SRP19: variants seen among roughly 807,000 people sequenced by gnomAD.
The protein encoded by SRP19 is signal recognition particle 19 kDa protein.
In SRP19, 11 loss-of-function variants were observed where a neutral mutation model predicts 22.4. The observed-to-expected ratio is 0.49, with a 90% CI of 0.31 to 0.81. SRP19 has a LOEUF of 0.81. Ranked by LOEUF, SRP19 falls within the 40% of genes least tolerant of loss-of-function variation. The pLI is 0.05. For missense variants in SRP19, 168 were observed against 175.9 expected, an observed-to-expected ratio of 0.96 and a Z score of 0.25; for synonymous variants, 61 against 57.6, an observed-to-expected ratio of 1.06 and a Z score of -0.27.
chr5:112,888,569 A>ACG (rs1222128807), intron 4 of SRP19, among the ~76,000 whole-genome samples: 2,400 of 145,474 alleles, frequency 0.016, 71 homozygotes, highest in East Asian at 0.088. Flanking sequence ...GACTGCAGGC[A>ACG]TGAACCACCA....
At chr5:112,884,598 G>C (rs1363020284) in intron 4 of SRP19, among the ~76,000 whole-genome samples, 2 of 151,920 alleles carry the variant, frequency 1.3e-5, no homozygotes, top group Non-Finnish European at 2.9e-5. Flanking sequence ...TCACAAACAA[G>C]CTGGTCTCAA....
intron 4 of SRP19, chr5:112,878,949 T>C (rs957989310): frequency 5.9e-6 from 9 of 1,516,254 alleles, no homozygotes; most frequent in African/African-American, 5.5e-5. Context: ...GGATGACTCA[T>C]GTTCAGGTGC....
At chr5:112,870,304 TAGTG>T (rs1269682865), downstream of SRP19, among the ~76,000 whole-genome samples, 1 of 151,912 alleles carries the variant, frequency 6.6e-6, no homozygotes, top group South Asian at 2.1e-4. Flanking sequence ...CTGGGCAACA[TAGTG>T]AGACTGTCTC....
intron 4 of SRP19, chr5:112,877,731 G>A (rs1767940918): frequency 6.6e-6 from 1 of 152,108 alleles, no homozygotes; most frequent in Non-Finnish European, 1.5e-5. Flanking sequence ...GTCGTCATTA[G>A]CATGTTGTTG....
chr5:112,891,327 C>T (rs556074003), intron 4 of SRP19, among the ~76,000 whole-genome samples: 1 of 152,250 alleles, frequency 6.6e-6, no homozygotes, highest in South Asian at 2.1e-4. Flanking sequence ...CCCATTTCGG[C>T]CTCCTAAAGT....
exon 5 of SRP19, chr5:112,891,994 C>G: frequency 7.9e-7 from 1 of 1,263,220 alleles, no homozygotes; most frequent in Non-Finnish European, 1.2e-6. Flanking sequence ...ATGGAAAGAA[C>G]AGCAGAGGAA....
Position 112,862,583 on chromosome 5 carries a change from G to A in SRP19, c.117G>A (p.Lys39=). Residue 39 remains lysine, a splice_region_variant and synonymous_variant, in exon 2 of 5, where the codon AAG becomes AAA. Coordinates refer to ENST00000505459, the MANE Select transcript of SRP19 (RefSeq NM_003135.3). ...IAEGRRIPIS[K]AVENPTATEI... ...AGGGAAGGCGAATCCCCATAAGTAA[G>A]GTAAGCAAGATGGCTGGCACCTTGA... is the stretch of plus-strand genomic sequence containing the variant. 1.2e-6 allele frequency: 2 copies of A among 1,613,454 alleles called. No individual in the cohort carries two copies. Among genetic ancestry groups the A allele is most frequent in the Non-Finnish European group, 1.7e-6 (2 of 1,179,798 alleles).
chr5:112,888,173 G>A (rs57721139), intron 4 of SRP19, among the ~76,000 whole-genome samples: 63,112 of 149,916 alleles, frequency 0.42, 14,423 homozygotes, highest in African/African-American at 0.64. Context: ...TTAAATTTAA[G>A]TCTTAGTCCT....
intron 4 of SRP19, among the ~76,000 whole-genome samples, chr5:112,875,371 G>T (rs1055595268): frequency 7.6e-5 from 8 of 104,790 alleles, no homozygotes; most frequent in Non-Finnish European, 1.2e-4. Flanking sequence ...TTTTGTTTTT[G>T]GTTTTTTTTT....
At chr5:112,884,534 C>T (rs564441513) in intron 4 of SRP19, among the ~76,000 whole-genome samples, 3 of 152,020 alleles carry the variant, frequency 2.0e-5, no homozygotes, top group South Asian at 2.1e-4. Context: ...TGCATCACAA[C>T]GTCCGGCTAA....
intron 1 of SRP19, 76 bp downstream of exon 1, chr5:112,861,493 C>A: frequency 6.6e-7 from 1 of 1,507,096 alleles, no homozygotes; most frequent in Non-Finnish European, 9.0e-7. Flanking sequence ...CGCGCTTCTC[C>A]GCTCCGCGGC....
chr5:112,892,183 A>T, exon 5 of SRP19: 1 of 1,614,238 alleles, frequency 6.2e-7, no homozygotes, highest in Non-Finnish European at 8.5e-7. Flanking sequence ...CTTCTACAGT[A>T]AAACAGGAGC....
At chr5:112,872,009 G>A (rs1281213489), downstream of SRP19, among the ~76,000 whole-genome samples, 1 of 152,172 alleles carries the variant, frequency 6.6e-6, no homozygotes, top group African/African-American at 2.4e-5. Context: ...TTAAAAGCCA[G>A]CTAGTTTTAA....
intron 4 of SRP19, chr5:112,891,546 T>TAAAACATAAAACATAA (rs1382958799): frequency 6.6e-7 from 1 of 1,505,144 alleles, no homozygotes; most frequent in African/African-American, 1.4e-5. Context: ...AAAATATTCA[T>TAAAACATAAAACATAA]AAGTAGAATC....
chr5:112,879,152 TAAGAG>T (rs1452977085), intron 4 of SRP19, among the ~76,000 whole-genome samples: 1 of 152,132 alleles, frequency 6.6e-6, no homozygotes, highest in African/African-American at 2.4e-5. Context: ...AGAGATTCCT[TAAGAG>T]TAGTGTTCAA....
exon 5 of SRP19, chr5:112,892,180 A>G (rs746419233): frequency 1.4e-5 from 22 of 1,614,112 alleles, no homozygotes; most frequent in Non-Finnish European, 1.8e-5. Context: ...TCCCTTCTAC[A>G]GTAAAACAGG....
At chr5:112,891,961 CAA>C (rs767945021) in exon 5 of SRP19, 14 of 1,243,606 alleles carry the variant, frequency 1.1e-5, no homozygotes, top group East Asian at 2.3e-5. Flanking sequence ...GCTAGAAGAA[CAA>C]GAGAGAAAGT....
downstream of SRP19, among the ~76,000 whole-genome samples, chr5:112,873,227 C>G (rs1163157693): frequency 3.2e-5 from 3 of 93,402 alleles, no homozygotes; most frequent in African/African-American, 4.4e-5. Flanking sequence ...TCTTGGTACT[C>G]TTTTATTTGA....
rs1350834003 is a variant in SRP19, at chr5:112,868,024, C to A, written c.*487C>A. On this transcript the variant is annotated 3_prime_UTR_variant, in exon 5 of 5. Coordinates refer to ENST00000505459, the MANE Select transcript of SRP19 (RefSeq NM_003135.3). Reference sequence around the variant, plus strand: ...AAACTAGAAGAAACTGTGGTAGGTCCTTTTGTGGGTGGGGGACAGGGGAGT... The same window carrying A: ...AAACTAGAAGAAACTGTGGTAGGTCATTTTGTGGGTGGGGGACAGGGGAGT... 1 of 985,784 alleles carries A rather than the reference C, an allele frequency of 1.0e-6. No individual in the cohort carries two copies. Among genetic ancestry groups the A allele is most frequent in the African/African-American group, 1.7e-5 (1 of 57,186 alleles). The allele number at this position is 985,784 out of a possible 1,614,324, so 61.1% of individuals were successfully genotyped here.
Sources: allele counts gnomAD v4.1 joint callset (sites outside exome capture counted in the v4.1 genomes callset), GRCh38; gene constraint gnomAD v4.1.1; transcripts MANE v1.5; gene names NCBI Gene and HGNC (gene_info 2026-07-23, HGNC 2026-07-21).